Variants in ANK3 observed in about 807,000 individuals in gnomAD.
ANK3 encodes the protein ankyrin-3.
In ANK3, 57 loss-of-function variants were observed where a neutral mutation model predicts 370.9. The observed-to-expected ratio is 0.15, with a 90% confidence interval of 0.12 to 0.19. ANK3 has a LOEUF of 0.19. ANK3 is among the 10% of genes least tolerant of loss of function. The pLI, the probability that ANK3 is intolerant of heterozygous loss-of-function variation, is 1.00. For missense variants in ANK3, 4,439 were observed against 5,302.1 expected (o/e 0.84, Z 5.06); for synonymous variants, 1,929 against 1,946.3 (o/e 0.99, Z 0.23).
intron 8 of ANK3, among the ~76,000 whole-genome samples, chr10:60,231,723 T>C (rs2097249856): frequency 6.6e-6 from 1 of 152,326 alleles, no homozygotes; most frequent in Non-Finnish European, 1.5e-5. Context: ...ATTTCAGGTA[T>C]ATACTATAAT....
chr10:60,608,455 A>G (rs2078157986), intron 2 of ANK3, among the ~76,000 whole-genome samples: 1 of 152,176 alleles, frequency 6.6e-6, no homozygotes. Flanking sequence ...AGTGAGTGAT[A>G]TGCATTATAC....
chr10:60,445,621 C>T (rs554679156), intron 2 of ANK3, among the ~76,000 whole-genome samples: 2 of 151,624 alleles, frequency 1.3e-5, no homozygotes, highest in East Asian at 3.9e-4. Flanking sequence ...CTATCAAAGG[C>T]AGGTTTCACA....
chr10:60,615,181 A>G, intron 2 of ANK3: 8 of 1,504,422 alleles, frequency 5.3e-6, no homozygotes, highest in Non-Finnish European at 7.1e-6. Flanking sequence ...GATAATTTTC[A>G]TTACCTTTCT....
chr10:60,682,689 A>T (rs1485431423), intron 1 of ANK3, among the ~76,000 whole-genome samples: 1 of 152,146 alleles, frequency 6.6e-6, no homozygotes, highest in African/African-American at 2.4e-5. Context: ...TGAAAACTCA[A>T]CAGAACTGTA....
chr10:60,305,769 A>C (rs1280881338), intron 1 of ANK3, among the ~76,000 whole-genome samples: 1 of 152,186 alleles, frequency 6.6e-6, no homozygotes, highest in Non-Finnish European at 1.5e-5. Context: ...ACTGTCACTC[A>C]TCTCAAAGAT....
chr10:60,182,709 A>G (rs2096230358), intron 17 of ANK3, among the ~76,000 whole-genome samples: 1 of 152,210 alleles, frequency 6.6e-6, no homozygotes, highest in Non-Finnish European at 1.5e-5. Flanking sequence ...AGGGGTTGCT[A>G]TTCCATCAGA....
At chr10:60,346,756 C>G (rs575256790) in intron 1 of ANK3, among the ~76,000 whole-genome samples, 2 of 152,108 alleles carry the variant, frequency 1.3e-5, no homozygotes, top group South Asian at 4.2e-4. Context: ...TGCCTCATGT[C>G]TTTTGCCCTA....
At chr10:60,541,416 A>G (rs932871766) in intron 2 of ANK3, among the ~76,000 whole-genome samples, 1 of 152,054 alleles carries the variant, frequency 6.6e-6, no homozygotes, top group Non-Finnish European at 1.5e-5. Context: ...GTTTAAAAAT[A>G]TAAAAATGGC....
chr10:60,597,868 A>G (rs545374709), intron 2 of ANK3, among the ~76,000 whole-genome samples: 1 of 152,304 alleles, frequency 6.6e-6, no homozygotes, highest in African/African-American at 2.4e-5. Context: ...GACTGAAGCA[A>G]TTTTACATAT....
chr10:60,714,269 G>A (rs2079751355), intron 1 of ANK3, among the ~76,000 whole-genome samples: 1 of 152,084 alleles, frequency 6.6e-6, no homozygotes, highest in South Asian at 2.1e-4. Context: ...TTCACAAATG[G>A]AAAGCATCAT....
At position 60,108,864 on chromosome 10, in the gene ANK3, C is replaced by T. The variant is rs535526499; in HGVS notation, c.3139G>A (p.Val1047Ile). The change falls in exon 27 of 44, where the codon GTA becomes ATA. Residue 1047 changes from valine (V) to isoleucine (I), a missense_variant. Transcript: ENST00000280772. ...VEGEGLASRL[V>I]EMGPAGAQFL... ...TGTGCCCCTGCAGGACCCATTTCTA[C>T]CAGCCTACTGGCTAATCCCTCTCCT... 43 of 1,614,124 alleles carry T rather than the reference C, an allele frequency of 2.7e-5. No homozygotes were observed. In the South Asian group the frequency reaches 4.3e-4, roughly 16 times the overall value.
rs146469363 is a variant in ANK3, at chr10:60,071,345, T to C, written c.9536A>G (p.Tyr3179Cys). 6.2e-7 allele frequency: 1 copy of C among 1,613,994 alleles called. No homozygotes were observed. The highest frequency in any genetic ancestry group is 8.5e-7 in the Non-Finnish European group (1 of 1,180,008). The change falls in exon 37 of 44, where the codon TAT becomes TGT. Residue 3179 changes from tyrosine (Y) to cysteine (C), a missense_variant. By Grantham distance (194) the Tyr-to-Cys change is radical. Transcript: ENST00000280772. Reference sequence around the variant, plus strand: ...GTCAGGTGTCTTAGATGTAAATTCATAACTCACTTCCTCTGAACTGGGTGT... The same window carrying C: ...GTCAGGTGTCTTAGATGTAAATTCACAACTCACTTCCTCTGAACTGGGTGT... ...PETPSSEEVS[Y>C]EFTSKTPDSL...
intron 28 of ANK3, among the ~76,000 whole-genome samples, chr10:60,090,693 C>T (rs571959680): frequency 5.9e-5 from 9 of 152,130 alleles, no homozygotes; most frequent in Admixed American, 1.3e-4. Flanking sequence ...CATGGAAATG[C>T]CAATTAGAAT....
intron 2 of ANK3, among the ~76,000 whole-genome samples, chr10:60,427,537 A>AC (rs2063915923): frequency 6.6e-6 from 1 of 152,118 alleles, no homozygotes; most frequent in African/African-American, 2.4e-5. Context: ...TAAAAAAAAA[A>AC]ACCTCAGGAG....
At chr10:60,732,012 C>G (rs1470602915) in intron 1 of ANK3, among the ~76,000 whole-genome samples, 1 of 152,098 alleles carries the variant, frequency 6.6e-6, no homozygotes, top group Non-Finnish European at 1.5e-5. Context: ...TTTTTAGAGA[C>G]GACAACTAAA....
At chr10:60,698,441 A>G (rs2079495436) in intron 1 of ANK3, among the ~76,000 whole-genome samples, 1 of 151,604 alleles carries the variant, frequency 6.6e-6, no homozygotes, top group Admixed American at 6.6e-5. Context: ...TTCTATAAAG[A>G]CACATGCACA....
chr10:60,141,762 A>G (rs189544584), intron 23 of ANK3, among the ~76,000 whole-genome samples: 1 of 151,936 alleles, frequency 6.6e-6, no homozygotes, highest in African/African-American at 2.4e-5. Flanking sequence ...AAGTAGGGGG[A>G]AAAATCTGTT....
intron 2 of ANK3, among the ~76,000 whole-genome samples, chr10:60,452,463 A>G (rs940598570): frequency 5.9e-5 from 9 of 152,186 alleles, no homozygotes; most frequent in African/African-American, 2.2e-4. Flanking sequence ...CCCTTTTAGT[A>G]TTATTGATAC....
chr10:60,068,837 G>C lies in ANK3; in HGVS notation c.12044C>G (p.Ser4015Cys). Residue 4015 changes from serine to cysteine, a missense_variant, in exon 37 of 44, where the codon TCT becomes TGT. Around this residue, in one of 13 missense-constraint regions of ANK3, gnomAD observed 496 missense variants for 529.3 expected, o/e 0.94. Transcript: ENST00000280772. ...GETLKLVDRL[S>C]EEEKKMQSEL... is the part of the protein sequence containing the mutation. The stretch of plus-strand genomic sequence containing the variant: ...GGACTGCATCTTTTTTTCTTCTTCA[G>C]AGAGGCGGTCCACAAGCTTTAAGGT... 6.2e-7 allele frequency: 1 copy of C among 1,614,094 alleles called. No homozygotes were observed. Among genetic ancestry groups the C allele is most frequent in the South Asian group, 1.1e-5 (1 of 91,072 alleles).
Sources: allele counts gnomAD v4.1 joint callset (sites outside exome capture counted in the v4.1 genomes callset), GRCh38; gene constraint gnomAD v4.1.1; regional missense constraint gnomAD v4.1.1; transcripts MANE v1.5; gene names NCBI Gene and HGNC (gene_info 2026-07-23, HGNC 2026-07-21).